BCL11A: variants seen among roughly 807,000 people sequenced by gnomAD.
BCL11A encodes B cell CLL/lymphoma 11A.
A neutral mutation model predicts 55.9 loss-of-function variants in BCL11A; 2 were observed. The observed-to-expected ratio is 0.04, with a 90% confidence interval of 0.01 to 0.11. The LOEUF (loss-of-function observed/expected upper bound fraction) is 0.11. Ranked by LOEUF, BCL11A falls within the 10% of genes least tolerant of loss-of-function variation. The pLI is 1.00. For synonymous variants in BCL11A, 465 were observed against 473.4 expected (o/e 0.98, Z 0.23); for missense variants, 817 against 1,137.1 (o/e 0.72, Z 4.05).
chr2:60,553,153 C>T, intron 1 of BCL11A, 63 bp downstream of exon 1: 2 of 1,525,400 alleles, frequency 1.3e-6, no homozygotes, highest in Non-Finnish European at 1.8e-6. Context: ...CTCGCTTTTG[C>T]TTCTAGTCCT....
Position 60,460,983 on chromosome 2 carries a change from G to T in BCL11A, c.1929C>A (p.Asp643Glu). The change falls in exon 4 of 4, where the codon GAC (aspartate) becomes GAA (glutamate). Residue 643 changes from aspartate (D) to glutamate (E), a missense_variant. Around this residue, in one of 4 missense-constraint regions of BCL11A, gnomAD observed 379 missense variants for 425.3 expected, o/e 0.89. Transcript: ENST00000642384. ...SKRIKLEKEF[D>E]LPPAAMPNTE... ...TGTTGGGCATCGCGGCCGGGGGCAG[G>T]TCGAACTCCTTCTCGAGCTTGATGC... 6.2e-7 allele frequency: 1 copy of T among 1,609,458 alleles called. No individual in the cohort carries two copies. Among genetic ancestry groups the T allele is most frequent in the Non-Finnish European group, 8.5e-7 (1 of 1,177,482 alleles).
chr2:60,527,383 A>G (rs1669250668), intron 2 of BCL11A: 1 of 152,238 alleles, frequency 6.6e-6, no homozygotes, highest in South Asian at 2.1e-4. Flanking sequence ...ACAAGGGAGA[A>G]CCACTACACT....
chr2:60,517,490 C>T (rs1450215128), intron 2 of BCL11A, among the ~76,000 whole-genome samples: 1 of 152,220 alleles, frequency 6.6e-6, no homozygotes, highest in African/African-American at 2.4e-5. Context: ...TGGGTTTTAC[C>T]ATGGGCTCCC....
downstream of BCL11A, among the ~76,000 whole-genome samples, chr2:60,453,467 C>T (rs778664838): frequency 9.2e-5 from 14 of 152,202 alleles, no homozygotes; most frequent in Non-Finnish European, 2.1e-4. Context: ...GGGGCCTCCT[C>T]TCCCCTGACT....
At chr2:60,520,927 G>A (rs1001656769) in intron 2 of BCL11A, among the ~76,000 whole-genome samples, 33 of 152,032 alleles carry the variant, frequency 2.2e-4, no homozygotes, top group African/African-American at 8.0e-4. Flanking sequence ...GTAGAAAGAA[G>A]AAAAAATTAT....
chr2:60,530,473 G>A (rs1015450214), intron 2 of BCL11A, among the ~76,000 whole-genome samples: 2 of 151,820 alleles, frequency 1.3e-5, no homozygotes, highest in Admixed American at 6.6e-5. Flanking sequence ...TGGCCCTCGG[G>A]TTACTGGCGT....
intron 1 of BCL11A, among the ~76,000 whole-genome samples, chr2:60,548,208 G>C (rs546738709): frequency 3.8e-4 from 57 of 151,680 alleles, no homozygotes; most frequent in African/African-American, 1.4e-3. Flanking sequence ...TTTTTGTTTA[G>C]CATTAGCTAC....
chr2:60,506,723 A>G (rs1302584588), intron 2 of BCL11A, among the ~76,000 whole-genome samples: 3 of 152,222 alleles, frequency 2.0e-5, no homozygotes, highest in Non-Finnish European at 4.4e-5. Context: ...GTTTCCTCCT[A>G]AACGCCTGAT....
intron 2 of BCL11A, among the ~76,000 whole-genome samples, chr2:60,523,664 T>C (rs80029172): frequency 6.6e-6 from 1 of 151,582 alleles, no homozygotes. Context: ...TTTTTTTTTT[T>C]CAAAAAGAGT....
intron 3 of BCL11A, among the ~76,000 whole-genome samples, chr2:60,466,111 G>T (rs1364455994): frequency 6.6e-6 from 1 of 152,334 alleles, no homozygotes. Flanking sequence ...GGTCCTGCCA[G>T]CAGGGGCACC....
At chr2:60,516,907 G>C (rs528171728) in intron 2 of BCL11A, among the ~76,000 whole-genome samples, 1 of 152,304 alleles carries the variant, frequency 6.6e-6, no homozygotes, top group African/African-American at 2.4e-5. Flanking sequence ...TCTAAAGAGA[G>C]GCATAGAAAC....
At chr2:60,553,145 C>A (rs1670490968) in intron 1 of BCL11A, 71 bp downstream of exon 1, 2 of 1,491,936 alleles carry the variant, frequency 1.3e-6, no homozygotes, top group Non-Finnish European at 1.8e-6. Flanking sequence ...CTCTCCCCCT[C>A]GCTTTTGCTT....
intron 2 of BCL11A, among the ~76,000 whole-genome samples, chr2:60,487,234 A>G (rs1023717242): frequency 6.6e-6 from 1 of 151,966 alleles, no homozygotes; most frequent in Non-Finnish European, 1.5e-5. Flanking sequence ...ATCCTATAAA[A>G]CTCCCTAACC....
At chr2:60,475,760 C>T (rs960393806) in intron 2 of BCL11A, among the ~76,000 whole-genome samples, 3 of 152,016 alleles carry the variant, frequency 2.0e-5, no homozygotes, top group African/African-American at 7.3e-5. Context: ...TGCCTCTATC[C>T]GAGGTATTTA....
chr2:60,473,649 G>A (rs762750762), intron 2 of BCL11A, among the ~76,000 whole-genome samples: 4 of 152,114 alleles, frequency 2.6e-5, no homozygotes, highest in African/African-American at 4.8e-5. Flanking sequence ...CTATTCAGCC[G>A]CATCTAGCTC....
chr2:60,512,795 T>C (rs142014507), intron 2 of BCL11A, among the ~76,000 whole-genome samples: 4 of 152,296 alleles, frequency 2.6e-5, no homozygotes, highest in African/African-American at 9.6e-5. Flanking sequence ...TTTTAGTGTC[T>C]CAAGTATGAG....
downstream of BCL11A, chr2:60,452,581 C>T (rs143388171): frequency 4.3e-6 from 7 of 1,613,428 alleles, no homozygotes; most frequent in Non-Finnish European, 4.2e-6. Context: ...TTTCTCAGAA[C>T]TTAAGGGCTC....
At chr2:60,553,836 G>A (rs1251066252), upstream of BCL11A, 2 of 147,368 alleles carry the variant, frequency 1.4e-5, no homozygotes, top group Admixed American at 6.7e-5. Context: ...CCCCGGGGGA[G>A]GGGCGGGCCG....
intron 2 of BCL11A, among the ~76,000 whole-genome samples, chr2:60,492,866 G>C (rs938476720): frequency 6.6e-6 from 1 of 152,146 alleles, no homozygotes; most frequent in South Asian, 2.1e-4. Context: ...TTCATTTTAA[G>C]TGTACAGTTG....
Sources: allele counts gnomAD v4.1 joint callset (sites outside exome capture counted in the v4.1 genomes callset), GRCh38; gene constraint gnomAD v4.1.1; regional missense constraint gnomAD v4.1.1; transcripts MANE v1.5; gene names NCBI Gene and HGNC (gene_info 2026-07-23, HGNC 2026-07-21).